Variants in SLC39A11 observed in about 807,000 individuals in gnomAD.
SLC39A11 encodes the protein solute carrier family 39 member 11.
Under a neutral mutation model 36.1 loss-of-function variants are expected in SLC39A11, and 33 were observed. The observed-to-expected ratio is 0.91, with a 90% CI of 0.69 to 1.22. The LOEUF is 1.22. SLC39A11 is among the 50% of genes most tolerant of loss of function. The pLI, the probability that SLC39A11 is intolerant of heterozygous loss-of-function variation, is 0.00. For synonymous variants in SLC39A11, 166 were observed against 170.3 expected (o/e 0.97, Z 0.20); for missense variants, 432 against 430.3 (o/e 1.00, Z -0.03).
intron 3 of SLC39A11, among the ~76,000 whole-genome samples, chr17:73,045,672 A>G (rs2059263418): frequency 6.6e-6 from 1 of 152,220 alleles, no homozygotes; most frequent in African/African-American, 2.4e-5. Context: ...AATGGCAAGT[A>G]TACTCATTAC....
chr17:72,768,736 TTTTA>T (rs199723288), intron 6 of SLC39A11, among the ~76,000 whole-genome samples: 13 of 151,942 alleles, frequency 8.6e-5, no homozygotes, highest in African/African-American at 2.4e-4. Context: ...ACTTCTTGGT[TTTTA>T]TTTATTTATT....
At chr17:72,962,187 A>T (rs1298382544) in intron 4 of SLC39A11, among the ~76,000 whole-genome samples, 2 of 152,322 alleles carry the variant, frequency 1.3e-5, no homozygotes, top group East Asian at 1.9e-4. Context: ...GCAAATAACC[A>T]AATTGAGACA....
intron 7 of SLC39A11, among the ~76,000 whole-genome samples, chr17:72,718,648 G>C (rs569481867): frequency 3.3e-5 from 5 of 152,268 alleles, no homozygotes; most frequent in African/African-American, 1.2e-4. Context: ...TGGTCACCTG[G>C]GTTCAAATCC....
At chr17:72,853,130 T>A (rs1230938180) in intron 5 of SLC39A11, among the ~76,000 whole-genome samples, 5 of 151,432 alleles carry the variant, frequency 3.3e-5, no homozygotes, top group African/African-American at 9.7e-5. Context: ...TCCTCCCACC[T>A]CGGCCTCCCA....
At chr17:72,924,196 A>G (rs373311666) in intron 5 of SLC39A11, among the ~76,000 whole-genome samples, 1 of 150,008 alleles carries the variant, frequency 6.7e-6, no homozygotes, top group South Asian at 2.1e-4. Context: ...GATGATTAAG[A>G]CCTAGCCTCA....
At chr17:72,834,543 A>G (rs2145763052) in intron 6 of SLC39A11, among the ~76,000 whole-genome samples, 2 of 152,222 alleles carry the variant, frequency 1.3e-5, no homozygotes, top group South Asian at 4.1e-4. Context: ...AATAGGTTGA[A>G]CCTGGGAGGC....
At chr17:73,033,958 A>C (rs1320839895) in intron 3 of SLC39A11, among the ~76,000 whole-genome samples, 1 of 152,190 alleles carries the variant, frequency 6.6e-6, no homozygotes, top group Non-Finnish European at 1.5e-5. Context: ...GGAAACCTGC[A>C]AAAGCCTCCA....
intron 5 of SLC39A11, among the ~76,000 whole-genome samples, chr17:72,933,819 G>C (rs2084577543): frequency 6.6e-6 from 1 of 152,042 alleles, no homozygotes; most frequent in African/African-American, 2.4e-5. Context: ...CACGCCTGGT[G>C]CCATTAGGAT....
At chr17:73,004,201 A>C in intron 4 of SLC39A11, among the ~76,000 whole-genome samples, 1 of 125,458 alleles carries the variant, frequency 8.0e-6, no homozygotes, top group South Asian at 2.9e-4. Context: ...GAAAGAAAGA[A>C]AGAAAGAAAG....
chr17:72,703,733 A>T (rs540839949), intron 7 of SLC39A11, among the ~76,000 whole-genome samples: 6 of 152,346 alleles, frequency 3.9e-5, no homozygotes, highest in African/African-American at 9.6e-5. Flanking sequence ...TGAACATAGG[A>T]GATGTTTAGC....
intron 3 of SLC39A11, among the ~76,000 whole-genome samples, chr17:73,041,009 C>CAAAAAACAA (rs769453962): frequency 2.1e-5 from 3 of 140,152 alleles, no homozygotes; most frequent in South Asian, 2.3e-4. Context: ...AAACAAAAAA[C>CAAAAAACAA]AAAAAAAAAA....
intron 4 of SLC39A11, among the ~76,000 whole-genome samples, chr17:72,963,346 A>G (rs904714948): frequency 3.3e-5 from 5 of 151,236 alleles, no homozygotes; most frequent in South Asian, 4.2e-4. Flanking sequence ...AATTTTTTGT[A>G]TTTTTAGTAG....
chr17:72,704,553 C>T lies in SLC39A11; in HGVS notation c.671+32097G>A, dbSNP rs7223158. ...ACGCTTTTCAGTGGGTCCTGCAAGG[C>T]CCTGAATTTTATGGTAGACTCTATG... On this transcript the variant is annotated intron_variant, in intron 7 of 9. Transcript: ENST00000255559. Among the ~76,000 whole-genome samples, 717 of 152,252 alleles carry T rather than the reference C, an allele frequency of 4.7e-3. 11 individuals are homozygous for T. Among genetic ancestry groups the T allele is most frequent in the African/African-American group, 0.016 (644 of 41,538 alleles).
At chr17:72,942,976 A>G (rs973201706) in intron 5 of SLC39A11, among the ~76,000 whole-genome samples, 1 of 152,216 alleles carries the variant, frequency 6.6e-6, no homozygotes, top group Admixed American at 6.5e-5. Flanking sequence ...CAATGGGCCA[A>G]TACCTCCCTG....
chr17:72,671,698 G>A (rs2071027695), intron 7 of SLC39A11, among the ~76,000 whole-genome samples: 1 of 150,890 alleles, frequency 6.6e-6, no homozygotes, highest in African/African-American at 2.4e-5. Flanking sequence ...TCCAGCCTGG[G>A]CAGCAAGAGC....
chr17:72,905,200 A>AAAAAG, intron 5 of SLC39A11, among the ~76,000 whole-genome samples: 1 of 146,346 alleles, frequency 6.8e-6, no homozygotes, highest in Non-Finnish European at 1.5e-5. Flanking sequence ...AAAAAAAAAG[A>AAAAAG]TAGCACAGGC....
In SLC39A11 at chr17:72,957,366, G is replaced by A. The variant is rs577246447; in HGVS notation, c.307-9491C>T. On this transcript the variant is annotated intron_variant, in intron 4 of 9. Transcript: ENST00000255559. ...ACATACAAAATGTTGTGTGTAATATGAGGAACCCCAGGAATTCCCTGCAGC... is the reference window on the plus strand; with the variant it reads ...ACATACAAAATGTTGTGTGTAATATAAGGAACCCCAGGAATTCCCTGCAGC... Among the ~76,000 whole-genome samples, 7 of 152,314 alleles carry A rather than the reference G, an allele frequency of 4.6e-5. No individual in the cohort carries two copies. In the East Asian group the frequency reaches 1.3e-3, roughly 29 times the overall value.
intron 5 of SLC39A11, among the ~76,000 whole-genome samples, chr17:72,853,014 G>A (rs907212302): frequency 2.6e-5 from 4 of 151,902 alleles, no homozygotes; most frequent in African/African-American, 9.7e-5. Flanking sequence ...ACTTTTGATT[G>A]ATTGATTGAT....
chr17:73,082,116 T>TAAAAAAAAAAAAAAAAAA (rs1462631665), intron 3 of SLC39A11, among the ~76,000 whole-genome samples: 12 of 80,358 alleles, frequency 1.5e-4, no homozygotes, highest in East Asian at 9.7e-4. Context: ...CTACTGAAAC[T>TAAAAAAAAAAAAAAAAAA]AAAAAAAAAG....
Sources: gnomAD v4.1 joint callset for allele counts (sites outside exome capture counted in the v4.1 genomes callset) on GRCh38, gnomAD v4.1.1 for gene constraint, MANE v1.5 for transcripts, NCBI Gene and HGNC (gene_info 2026-07-23, HGNC 2026-07-21) for gene names.